ZNF558: variants seen among roughly 807,000 people sequenced by gnomAD.
The protein encoded by ZNF558 is zinc finger protein 558.
ZNF558 carries 23 observed loss-of-function variants against 37.6 expected under a neutral mutation model. That is an observed-to-expected ratio of 0.61 (90% CI 0.44 to 0.87). The LOEUF (loss-of-function observed/expected upper bound fraction) is 0.87. ZNF558 is among the 40% of genes least tolerant of loss of function. ZNF558 has a pLI of 0.00. For missense variants in ZNF558, 429 were observed against 483.7 expected (o/e 0.89, Z 1.06); for synonymous variants, 189 against 174.4 (o/e 1.08, Z -0.66).
upstream of ZNF558, among the ~76,000 whole-genome samples, chr19:8,835,515 AAGAT>A (rs1431020896): frequency 1.3e-5 from 2 of 152,236 alleles, no homozygotes; most frequent in African/African-American, 4.8e-5. Flanking sequence ...TAAAATTAAA[AAGAT>A]AGCCAATAAC....
chr19:8,812,333 C>A (rs1486060024), intron 9 of ZNF558, among the ~76,000 whole-genome samples: 3 of 152,190 alleles, frequency 2.0e-5, no homozygotes, highest in African/African-American at 7.2e-5. Flanking sequence ...ATCTGAGCCA[C>A]AGATAGGAAA....
chr19:8,824,727 C>T (rs768055983), intron 3 of ZNF558, among the ~76,000 whole-genome samples: 2 of 152,108 alleles, frequency 1.3e-5, no homozygotes, highest in African/African-American at 4.8e-5. Context: ...TGTCTGTGCT[C>T]GAAGCTCTCT....
In ZNF558 at chr19:8,807,079, A is replaced by T. The variant is rs1392008531; in HGVS notation, c.*4202T>A. On this transcript the variant is annotated 3_prime_UTR_variant, in exon 10 of 10. Transcript: ENST00000601372. ...TTGTCTCTGGATCTGCTATTGATTTATATATTCATAAATGGGGATATTTTC... is the reference window on the plus strand; with the variant it reads ...TTGTCTCTGGATCTGCTATTGATTTTTATATTCATAAATGGGGATATTTTC... The T allele has an allele frequency of 6.6e-6, 1 of 152,230 alleles. No individual in the cohort carries two copies. The highest frequency in any genetic ancestry group is 2.4e-5 in the African/African-American group (1 of 41,444). The allele number at this position is 152,230 out of a possible 1,614,324, so 9.4% of individuals were successfully genotyped here.
chr19:8,835,475 A>G (rs1206488410), upstream of ZNF558, among the ~76,000 whole-genome samples: 5 of 152,256 alleles, frequency 3.3e-5, no homozygotes, highest in Non-Finnish European at 5.9e-5. Flanking sequence ...AAACTTCAAT[A>G]AAATACTACT....
chr19:8,831,847 C>T (rs11671890), intron 1 of ZNF558, among the ~76,000 whole-genome samples: 26,004 of 152,078 alleles, frequency 0.17, 2,765 homozygotes, highest in East Asian at 0.27. Context: ...CTGTCCTGTA[C>T]AACGTAGGAT....
Position 8,811,810 on chromosome 19 carries a change from A to C in ZNF558, c.680T>G (p.Leu227Trp). The change falls in exon 10 of 10, where the codon TTG becomes TGG. Residue 227 changes from leucine (L) to tryptophan (W), a missense_variant. Coordinates refer to ENST00000601372, the MANE Select transcript of ZNF558 (RefSeq NM_144693.3). ...FSDPSSLRLHLRIHTGEKPYE... is the reference protein window; with the variant it reads ...FSDPSSLRLHWRIHTGEKPYE... Reference sequence around the variant, plus strand: ...GGGTTTTTCTCCAGTGTGAATTCTCAAATGCAGTCTAAGGGATGAGGGATC... The same window carrying C: ...GGGTTTTTCTCCAGTGTGAATTCTCCAATGCAGTCTAAGGGATGAGGGATC... 1 of 1,614,130 alleles carries C rather than the reference A, an allele frequency of 6.2e-7. No individual in the cohort carries two copies. The highest frequency in any genetic ancestry group is 8.5e-7 in the Non-Finnish European group (1 of 1,180,016).
upstream of ZNF558, chr19:8,833,173 G>A (rs1367650451): frequency 1.3e-5 from 2 of 152,296 alleles, no homozygotes; most frequent in African/African-American, 2.4e-5. Flanking sequence ...TCAGATTCAG[G>A]GGTAGGGCCT....
chr19:8,819,113 G>A (rs1357898820), intron 7 of ZNF558, among the ~76,000 whole-genome samples: 1 of 151,456 alleles, frequency 6.6e-6, no homozygotes, highest in Non-Finnish European at 1.5e-5. Context: ...CTTGAGCAAT[G>A]GTTTCTTAGG....
chr19:8,835,209 G>A (rs1031425144), upstream of ZNF558, among the ~76,000 whole-genome samples: 14 of 151,962 alleles, frequency 9.2e-5, no homozygotes, highest in Admixed American at 6.6e-4. Flanking sequence ...TCACCACCAC[G>A]CCTGGCTAAT....
At chr19:8,833,478 T>C (rs57334544), upstream of ZNF558, 1 of 152,206 alleles carries the variant, frequency 6.6e-6, no homozygotes, top group African/African-American at 2.4e-5. Flanking sequence ...TGGACATGTA[T>C]GTGTGTGTAT....
chr19:8,812,707 G>C, intron 8 of ZNF558, 64 bp from the exon 9 acceptor site: 1 of 1,066,526 alleles, frequency 9.4e-7, no homozygotes, highest in Non-Finnish European at 1.4e-6. Flanking sequence ...GTACACATGA[G>C]TAAAGGCAGA....
At position 8,811,049 on chromosome 19, in the gene ZNF558, T is replaced by C; in HGVS notation, c.*232A>G. On this transcript the variant is annotated 3_prime_UTR_variant, in exon 10 of 10. Coordinates refer to ENST00000601372, the MANE Select transcript of ZNF558 (RefSeq NM_144693.3). ...ATAGCTTTGGCTGACATCTTGATTG[T>C]AAGTAAAGGCATGAGAGATCCTGCA... 1 of 450,592 alleles carries C rather than the reference T, an allele frequency of 2.2e-6. No homozygotes were observed. Among genetic ancestry groups the C allele is most frequent in the Non-Finnish European group, 3.9e-6 (1 of 255,140 alleles). The allele number at this position is 450,592 out of a possible 1,614,324, so 27.9% of individuals were successfully genotyped here. A position where few individuals can be genotyped will look rare whatever the true frequency, so the allele number is the denominator to read the frequency against.
At position 8,807,967 on chromosome 19, in the gene ZNF558, T is replaced by A. The variant is rs2043716599; in HGVS notation, c.*3314A>T. On this transcript the variant is annotated 3_prime_UTR_variant, in exon 10 of 10. Transcript: ENST00000601372. The stretch of plus-strand genomic sequence containing the variant: ...AGTAACTTAAGTGTATCATACCAGT[T>A]TTCTCATCTGTAAACTGGGGATAAT... The A allele has an allele frequency of 6.6e-6, 1 of 152,196 alleles. No individual in the cohort carries two copies. Among genetic ancestry groups the A allele is most frequent in the African/African-American group, 2.4e-5 (1 of 41,438 alleles). The allele number at this position is 152,196 out of a possible 1,614,324, so 9.4% of individuals were successfully genotyped here.
At chr19:8,812,291 C>T (rs1389952785) in intron 9 of ZNF558, among the ~76,000 whole-genome samples, 10 of 152,146 alleles carry the variant, frequency 6.6e-5, no homozygotes, top group African/African-American at 4.8e-5. Context: ...TTTCTGATAA[C>T]GTGTGGATGA....
rs1263237828 is a variant in ZNF558, at chr19:8,809,789, T to C, written c.*1492A>G. 6.6e-6 allele frequency: 1 copy of C among 152,116 alleles called. No homozygotes were observed. The highest frequency in any genetic ancestry group is 1.5e-5 in the Non-Finnish European group (1 of 67,992). The allele number at this position is 152,116 out of a possible 1,614,324, so 9.4% of individuals were successfully genotyped here. ...TTAAAAGAAAAAAAGACTAAAAAAA[T>C]TAATGAGCCAGCAGTCCAATCTACA... On this transcript the variant is annotated 3_prime_UTR_variant, in exon 10 of 10. Coordinates refer to ENST00000601372, the MANE Select transcript of ZNF558 (RefSeq NM_144693.3).
upstream of ZNF558, among the ~76,000 whole-genome samples, chr19:8,834,616 A>C (rs1418197929): frequency 4.2e-3 from 625 of 147,714 alleles, 5 homozygotes; most frequent in Non-Finnish European, 6.6e-3. Context: ...AAAAAAAAAA[A>C]CAAACCAAAA....
rs144088861 is a variant in ZNF558 at position 8,821,182 on chromosome 19, A to C, written c.245T>G (p.Leu82Arg). Residue 82 changes from leucine to arginine, a missense_variant and splice_region_variant, in exon 7 of 10, where the codon CTA (leucine) becomes CGA (arginine). By Grantham distance (102) the Leu-to-Arg change is moderately radical (BLOSUM62 -2). Transcript: ENST00000601372. ...TGCAGGAATGACATTAGGCTTACCT[A>C]GTGAGGCCAGGTTCCTGCAGTTCTC... ...MLENCRNLAS[L>R]GCRVNKPSLI... is the part of the protein sequence containing the mutation. 2.5e-6 allele frequency: 4 copies of C among 1,613,856 alleles called. No individual in the cohort carries two copies. Among genetic ancestry groups the C allele is most frequent in the Non-Finnish European group, 3.4e-6 (4 of 1,179,770 alleles).
chr19:8,827,370 T>C (rs1015515253), intron 2 of ZNF558, among the ~76,000 whole-genome samples: 3 of 151,982 alleles, frequency 2.0e-5, no homozygotes, highest in Non-Finnish European at 4.4e-5. Flanking sequence ...AAACACCCCC[T>C]CTTTTGCCTC....
At chr19:8,834,153 A>G (rs1323569921), upstream of ZNF558, among the ~76,000 whole-genome samples, 1 of 152,232 alleles carries the variant, frequency 6.6e-6, no homozygotes, top group Non-Finnish European at 1.5e-5. Flanking sequence ...TCAGAAAAAA[A>G]TAGTTAGATC....
Sources: gnomAD v4.1 joint callset for allele counts (sites outside exome capture counted in the v4.1 genomes callset) on GRCh38, gnomAD v4.1.1 for gene constraint, MANE v1.5 for transcripts, NCBI Gene and HGNC (gene_info 2026-07-23, HGNC 2026-07-21) for gene names.